The following MYH10 variants were observed in gnomAD, a reference collection of about 807,000 sequenced individuals.
The protein encoded by MYH10 is myosin heavy chain 10, also known as myosin-10.
MYH10 carries 55 observed loss-of-function variants against 257.8 expected under a neutral mutation model. The ratio of observed to expected loss-of-function variants is 0.21; its 90% CI spans 0.17 to 0.27. The LOEUF (loss-of-function observed/expected upper bound fraction) is 0.27, where lower values mean the gene tolerates loss of function less well. Among genes scored for constraint, MYH10 ranks in the 10% least tolerant of loss-of-function variants. The probability of loss-of-function intolerance (pLI) is 1.00; values close to 1 mark genes in which losing one functional copy is unlikely to be tolerated. For synonymous variants in MYH10, 854 were observed against 921.7 expected (o/e 0.93, Z 1.33); for missense variants, 1,631 against 2,500.6 (o/e 0.65, Z 7.42).
At chr17:8,478,289 A>G (rs774931322) in intron 41 of MYH10, 49 bp downstream of exon 41, 1 of 1,492,674 alleles carries the variant, frequency 6.7e-7, no homozygotes, top group Non-Finnish European at 9.3e-7. Context: ...CTCATTCTCC[A>G]CCAGTTCCTT....
intron 42 of MYH10, among the ~76,000 whole-genome samples, chr17:8,476,344 AT>A (rs1377449691): frequency 5.9e-5 from 9 of 152,254 alleles, no homozygotes; most frequent in African/African-American, 2.2e-4. Context: ...TGTAGAAACC[AT>A]GCTTAGTTTG....
At chr17:8,602,885 C>T (rs2084663787) in intron 3 of MYH10, among the ~76,000 whole-genome samples, 1 of 152,144 alleles carries the variant, frequency 6.6e-6, no homozygotes. Context: ...AAGCCTTTAC[C>T]CAGTGCTTGA....
intron 4 of MYH10, among the ~76,000 whole-genome samples, chr17:8,581,623 G>A (rs1218266224): frequency 1.3e-5 from 2 of 152,122 alleles, no homozygotes; most frequent in African/African-American, 4.8e-5. Context: ...AAACCTTACT[G>A]TTGAGCTCCC....
chr17:8,546,739 A>C, intron 11 of MYH10, 77 bp from the exon 12 acceptor site: 1 of 1,033,958 alleles, frequency 9.7e-7, no homozygotes. Context: ...AAACACTGGA[A>C]AAACCTTAGT....
At chr17:8,510,250 G>A (rs2081220305) in intron 24 of MYH10, among the ~76,000 whole-genome samples, 1 of 151,738 alleles carries the variant, frequency 6.6e-6, no homozygotes, top group African/African-American at 2.4e-5. Context: ...CACCATGTTA[G>A]CCAGGATGGT....
chr17:8,572,261 TGA>T (rs66710491), intron 6 of MYH10, among the ~76,000 whole-genome samples: 2 of 147,336 alleles, frequency 1.4e-5, no homozygotes, highest in African/African-American at 5.1e-5. Context: ...TGTGTGTGAG[TGA>T]GAGAGAGAGA....
intron 35 of MYH10, among the ~76,000 whole-genome samples, chr17:8,489,997 G>A (rs915923303): frequency 6.6e-6 from 1 of 152,062 alleles, no homozygotes; most frequent in African/African-American, 2.4e-5. Context: ...GACATCTGCC[G>A]AATCACCGTG....
chr17:8,597,161 G>A (rs922392965), intron 3 of MYH10, among the ~76,000 whole-genome samples: 7 of 151,986 alleles, frequency 4.6e-5, no homozygotes, highest in Non-Finnish European at 1.0e-4. Flanking sequence ...ATATAAGAAA[G>A]GAAATGTAAT....
chr17:8,595,845 T>C (rs921083499), intron 3 of MYH10, among the ~76,000 whole-genome samples: 2 of 152,166 alleles, frequency 1.3e-5, no homozygotes, highest in African/African-American at 4.8e-5. Flanking sequence ...GAAGATTCAA[T>C]ACAAAGATCC....
At position 8,541,900 on chromosome 17, in the gene MYH10, G is replaced by A. The variant is rs1383112515; in HGVS notation, c.1605+207C>T. The A allele has an allele frequency of 2.5e-5, 12 of 472,068 alleles. No individual in the cohort carries two copies. The East Asian group carries it at 3.5e-4, about 14-fold the overall frequency. The allele number at this position is 472,068 out of a possible 1,614,324, so 29.2% of individuals were successfully genotyped here. A position where few individuals can be genotyped will look rare whatever the true frequency, so the allele number is the denominator to read the frequency against. On this transcript the variant is annotated intron_variant, in intron 14 of 42. Transcript: ENST00000360416. ...CAAGCAAGGACAGGAATCAAGCTGCGAGGAGAGCTAAAGAAGGGTTTTACT... is the reference window on the plus strand; with the variant it reads ...CAAGCAAGGACAGGAATCAAGCTGCAAGGAGAGCTAAAGAAGGGTTTTACT...
chr17:8,542,434 A>AG (rs1333404216), intron 13 of MYH10, among the ~76,000 whole-genome samples, 154 bp from the exon 14 acceptor site: 1 of 152,184 alleles, frequency 6.6e-6, no homozygotes, highest in East Asian at 1.9e-4. Flanking sequence ...GACTAAACCA[A>AG]GGGGGGTGGT....
At chr17:8,509,512 G>A (rs897191342) in intron 25 of MYH10, among the ~76,000 whole-genome samples, 2 of 152,190 alleles carry the variant, frequency 1.3e-5, no homozygotes, top group African/African-American at 4.8e-5. Context: ...ACAGTCAATG[G>A]TGGATGAATT....
intron 17 of MYH10, among the ~76,000 whole-genome samples, chr17:8,523,098 T>G (rs2081712362): frequency 6.6e-6 from 1 of 152,182 alleles, no homozygotes; most frequent in Non-Finnish European, 1.5e-5. Context: ...ACACTGGCCC[T>G]CTGCTTTTCT....
chr17:8,610,532 G>C (rs2084998124), intron 2 of MYH10, among the ~76,000 whole-genome samples: 1 of 152,180 alleles, frequency 6.6e-6, no homozygotes, highest in African/African-American at 2.4e-5. Context: ...CCCCACAAAA[G>C]CATGTGCTGG....
Position 8,477,125 on chromosome 17 carries a change from A to T in MYH10, c.5707-77T>A, listed in dbSNP as rs1912803021. ...GGCCTCTCTGTACCCCGAGCGTGGCAGTGTGGGGCTCTGCCTGTTACCCTT... is the reference window on the plus strand; with the variant it reads ...GGCCTCTCTGTACCCCGAGCGTGGCTGTGTGGGGCTCTGCCTGTTACCCTT... On this transcript the variant is annotated intron_variant, in intron 41 of 42. Coordinates refer to ENST00000360416, the MANE Select transcript of MYH10 (RefSeq NM_001256012.3). This position sits in a 1 kb window ranked among gnomAD's most constrained non-coding sequence, Gnocchi z 4.2. 1.3e-6 allele frequency: 2 copies of T among 1,535,014 alleles called. No individual in the cohort carries two copies. Among genetic ancestry groups the T allele is most frequent in the African/African-American group, 1.4e-5 (1 of 73,616 alleles).
intron 2 of MYH10, among the ~76,000 whole-genome samples, chr17:8,613,049 CAG>C (rs1415687876): frequency 6.6e-6 from 1 of 151,962 alleles, no homozygotes; most frequent in Non-Finnish European, 1.5e-5. Flanking sequence ...AATCCAAAGA[CAG>C]AGAAAATTTT....
chr17:8,504,087 A>G lies in MYH10; in HGVS notation c.3599+607T>C, dbSNP rs1054192368. 1.3e-5 allele frequency among the ~76,000 whole-genome samples: 2 copies of G among 152,162 alleles called. No homozygotes were observed. Among genetic ancestry groups the G allele is most frequent in the Non-Finnish European group, 2.9e-5 (2 of 68,020 alleles). ...TGCGACTCGTGGGCTGCCACACTGC[A>G]GCTTTCTACCCAGGAGCCTTCTCTG... On this transcript the variant is annotated intron_variant, in intron 28 of 42. Transcript: ENST00000360416. The surrounding 1 kb of genome is among the most constrained non-coding windows in gnomAD (Gnocchi z 5.6).
At chr17:8,563,133 G>A (rs1251996355) in intron 7 of MYH10, among the ~76,000 whole-genome samples, 1 of 152,212 alleles carries the variant, frequency 6.6e-6, no homozygotes, top group East Asian at 1.9e-4. Flanking sequence ...CTATGCATGT[G>A]TGTTAGCTAT....
In MYH10 at chr17:8,481,345, C is replaced by T; in HGVS notation, c.5241G>A (p.Glu1747=). ...ACTTGCCAGAGGCGCTGTTGGTGATCTCGTCCGCCAGCTCATCTCTCTCCT... is the reference window on the plus strand; with the variant it reads ...ACTTGCCAGAGGCGCTGTTGGTGATTTCGTCCGCCAGCTCATCTCTCTCCT... ...AEQERDELAD[E]ITNSASGKSA... is the part of the protein sequence containing the mutation. The change falls in exon 38 of 43, where the codon GAG becomes GAA. Residue 1747 remains glutamate, a synonymous_variant. Transcript: ENST00000360416. 1 of 1,614,052 alleles carries T rather than the reference C, an allele frequency of 6.2e-7. No individual in the cohort carries two copies. Among genetic ancestry groups the T allele is most frequent in the Non-Finnish European group, 8.5e-7 (1 of 1,180,016 alleles).
Sources: allele counts gnomAD v4.1 joint callset (sites outside exome capture counted in the v4.1 genomes callset), GRCh38; gene constraint gnomAD v4.1.1; non-coding constraint Gnocchi (gnomAD v3.1); transcripts MANE v1.5; gene names NCBI Gene and HGNC (gene_info 2026-07-23, HGNC 2026-07-21).